Variants in ZNF444 observed in about 807,000 individuals in gnomAD.
The protein encoded by ZNF444 is zinc finger protein 444.
A neutral mutation model predicts 14.4 loss-of-function variants in ZNF444; 8 were observed. The ratio of observed to expected loss-of-function variants is 0.56; its 90% confidence interval spans 0.33 to 1.00. The LOEUF is 1.00. Among genes scored for constraint, ZNF444 ranks in the 50% least tolerant of loss-of-function variants. The pLI is 0.03. For missense variants in ZNF444, 510 were observed against 504.8 expected (o/e 1.01, Z -0.10); for synonymous variants, 258 against 235.9 (o/e 1.09, Z -0.86).
chr19:56,146,761 T>A (rs2031209805), intron 2 of ZNF444, 129 bp from the exon 3 acceptor site: 1 of 763,682 alleles, frequency 1.3e-6, no homozygotes, highest in African/African-American at 1.8e-5. Flanking sequence ...CACTCCAACC[T>A]GGGGGAAAGA....
intron 2 of ZNF444, 70 bp from the exon 3 acceptor site, chr19:56,146,820 C>T: frequency 8.8e-7 from 1 of 1,139,974 alleles, no homozygotes; most frequent in Non-Finnish European, 1.1e-6. Flanking sequence ...GAGCGTTGGT[C>T]CCATTGTGAG....
intron 4 of ZNF444, among the ~76,000 whole-genome samples, chr19:56,158,884 C>T (rs1746123354): frequency 6.6e-6 from 1 of 151,508 alleles, no homozygotes; most frequent in South Asian, 2.1e-4. Flanking sequence ...CCCATCCATC[C>T]CTCTATCATT....
In ZNF444 at chr19:56,159,718, T is replaced by A; in HGVS notation, c.501T>A (p.Pro167=). 6.4e-7 allele frequency: 1 copy of A among 1,563,372 alleles called. No individual in the cohort carries two copies. The highest frequency in any genetic ancestry group is 1.2e-5 in the South Asian group (1 of 85,784). The change falls in exon 5 of 5, where the codon CCT becomes CCA. Residue 167 remains proline, a synonymous_variant. Transcript: ENST00000337080. ...AGCCCAGCAGCCCCCCGCTGGCGCC[T>A]GGCCTGCCCGCCTTCCTAGCGGCCC... ...KQEPSSPPLA[P]GLPAFLAAPG... is the part of the protein sequence containing the mutation.
upstream of ZNF444, among the ~76,000 whole-genome samples, chr19:56,138,713 T>A (rs1038007591): frequency 6.6e-6 from 1 of 151,552 alleles, no homozygotes; most frequent in Non-Finnish European, 1.5e-5. Context: ...TGGTTCACAT[T>A]TAATGGGTAC....
At chr19:56,153,416 A>G (rs908878900) in intron 3 of ZNF444, among the ~76,000 whole-genome samples, 1 of 152,170 alleles carries the variant, frequency 6.6e-6, no homozygotes, top group South Asian at 2.1e-4. Context: ...AGGTGCTACA[A>G]AAATACTCGT....
At chr19:56,136,763 AGAGACC>A (rs145809002), upstream of ZNF444, among the ~76,000 whole-genome samples, 378 of 152,248 alleles carry the variant, frequency 2.5e-3, 4 homozygotes, top group African/African-American at 8.7e-3. Flanking sequence ...AGTCTGAGGC[AGAGACC>A]GAGAATCTGC....
At chr19:56,138,243 C>G (rs183690564), upstream of ZNF444, among the ~76,000 whole-genome samples, 2 of 152,196 alleles carry the variant, frequency 1.3e-5, no homozygotes, top group Admixed American at 1.3e-4. Context: ...ATGGATTAAC[C>G]TTGAGGACAT....
rs914419094 is a variant in ZNF444, at chr19:56,144,706, C to T, written c.-196-1541C>T. ...ACCGGCTAGAAGCAGATTATGTGCC[C>T]ACCCTCTGCCTTGTGGTCAAGGGGA... On this transcript the variant is annotated intron_variant, in intron 1 of 4. Coordinates refer to ENST00000337080, the MANE Select transcript of ZNF444 (RefSeq NM_018337.4). This position sits in a 1 kb window ranked among gnomAD's most constrained non-coding sequence, Gnocchi z 4.0. 3.9e-5 allele frequency among the ~76,000 whole-genome samples: 6 copies of T among 151,930 alleles called. No individual in the cohort carries two copies. Among genetic ancestry groups the T allele is most frequent in the African/African-American group, 1.5e-4 (6 of 41,214 alleles).
intron 3 of ZNF444, among the ~76,000 whole-genome samples, chr19:56,148,845 G>A (rs1291779199): frequency 6.6e-6 from 1 of 152,094 alleles, no homozygotes; most frequent in African/African-American, 2.4e-5. Context: ...GGTGTCTGCA[G>A]GGCCACGTCC....
At chr19:56,148,405 G>A (rs1307138311) in intron 3 of ZNF444, among the ~76,000 whole-genome samples, 1 of 152,138 alleles carries the variant, frequency 6.6e-6, no homozygotes, top group Non-Finnish European at 1.5e-5. Context: ...CGTACCGAGT[G>A]CCTGCTGGGT....
intron 3 of ZNF444, among the ~76,000 whole-genome samples, chr19:56,153,561 A>G (rs981018440): frequency 6.6e-6 from 1 of 152,202 alleles, no homozygotes; most frequent in Non-Finnish European, 1.5e-5. Context: ...CAGCTTCCTC[A>G]CTTCTGTGGA....
chr19:56,135,827 C>G (rs2030596781), intron 1 of ZNF444, among the ~76,000 whole-genome samples: 1 of 151,686 alleles, frequency 6.6e-6, no homozygotes. Flanking sequence ...ACTGGTAATC[C>G]CAGCACTTCG....
In ZNF444 at chr19:56,159,663, A is replaced by C. The variant is rs753211900; in HGVS notation, c.446A>C (p.Asp149Ala). Residue 149 changes from aspartate (D) to alanine (A), a missense_variant, in exon 5 of 5, where the codon GAC (aspartate) becomes GCC (alanine). Coordinates refer to ENST00000337080, the MANE Select transcript of ZNF444 (RefSeq NM_018337.4). ...GGGGCTGAGGGGCCGGCGCCTGGGGACTCCCAGGCTGTGCGCCCCTACAAG... is the reference window on the plus strand; with the variant it reads ...GGGGCTGAGGGGCCGGCGCCTGGGGCCTCCCAGGCTGTGCGCCCCTACAAG... ...APGAEGPAPG[D>A]SQAVRPYKQE... 2.7e-6 allele frequency: 4 copies of C among 1,469,904 alleles called. No homozygotes were observed. The highest frequency in any genetic ancestry group is 3.6e-6 in the Non-Finnish European group (4 of 1,115,386). 91.1% of individuals were successfully genotyped at this position (1,469,904 alleles called of 1,614,324 possible).
chr19:56,158,357 CTTCAGTG>C (rs1412460788), intron 3 of ZNF444, 130 bp from the exon 4 acceptor site: 9 of 804,630 alleles, frequency 1.1e-5, no homozygotes, highest in Admixed American at 3.6e-5. Context: ...TGTGGGGCAG[CTTCAGTG>C]TCGCCCAGCA....
At chr19:56,156,337 G>A (rs2031902126) in intron 3 of ZNF444, 1 of 152,256 alleles carries the variant, frequency 6.6e-6, no homozygotes, top group African/African-American at 2.4e-5. Flanking sequence ...CATAACTGAA[G>A]CATGGACAGC....
intron 1 of ZNF444, among the ~76,000 whole-genome samples, chr19:56,136,166 A>T (rs978051083): frequency 6.6e-6 from 1 of 150,912 alleles, no homozygotes; most frequent in Non-Finnish European, 1.5e-5. Context: ...CTCACCCCCA[A>T]TCCCAACTCT....
chr19:56,139,414 A>G (rs667523), upstream of ZNF444, among the ~76,000 whole-genome samples: 134,110 of 152,114 alleles, frequency 0.88, 60,356 homozygotes, highest in Non-Finnish European at 0.99. Context: ...TTGGCTGGGC[A>G]TGGTGGTTCA....
upstream of ZNF444, among the ~76,000 whole-genome samples, chr19:56,137,741 A>G (rs1426204427): frequency 6.6e-6 from 1 of 152,234 alleles, no homozygotes; most frequent in Non-Finnish European, 1.5e-5. Context: ...CTGAAGGCAC[A>G]TCATGTGGGA....
At chr19:56,151,958 T>G (rs1313868365) in intron 3 of ZNF444, 2 of 455,910 alleles carry the variant, frequency 4.4e-6, no homozygotes, top group African/African-American at 4.0e-5. Flanking sequence ...ACCGAGACAT[T>G]GCCGGATGAG....
Sources: allele counts gnomAD v4.1 joint callset (sites outside exome capture counted in the v4.1 genomes callset), GRCh38; gene constraint gnomAD v4.1.1; non-coding constraint Gnocchi (gnomAD v3.1); transcripts MANE v1.5; gene names NCBI Gene and HGNC (gene_info 2026-07-23, HGNC 2026-07-21).